TBC1D5: variants seen among roughly 807,000 people sequenced by gnomAD.
The protein encoded by TBC1D5 is TBC1 domain family member 5.
A neutral mutation model predicts 100.3 loss-of-function variants in TBC1D5; 75 were observed. That is an observed-to-expected ratio of 0.75 (90% CI 0.62 to 0.91). The LOEUF is 0.91. Ranked by LOEUF, TBC1D5 falls within the 40% of genes least tolerant of loss-of-function variation. The probability of loss-of-function intolerance (pLI) is 0.00; values close to 1 mark genes in which losing one functional copy is unlikely to be tolerated. For synonymous variants in TBC1D5, 323 were observed against 325.6 expected (o/e 0.99, Z 0.09); for missense variants, 910 against 942.4 (o/e 0.97, Z 0.45).
At position 17,238,234 on chromosome 3, in the gene TBC1D5, T is replaced by C. The variant is rs923387937; in HGVS notation, c.1517A>G (p.His506Arg). The change falls in exon 17 of 22, where the codon CAT becomes CGT. Residue 506 changes from histidine (H) to arginine (R), a missense_variant. His to Arg is a conservative substitution (Grantham distance 29). Transcript: ENST00000253692. ...CTGCTGCTGTTGCTGTTGCAAGTGATGGCTTGGGGCCTCTGCTGAGGTCCT... is the reference window on the plus strand; with the variant it reads ...CTGCTGCTGTTGCTGTTGCAAGTGACGGCTTGGGGCCTCTGCTGAGGTCCT... The C allele has an allele frequency of 2.5e-6, 4 of 1,613,908 alleles. No individual in the cohort carries two copies. Among genetic ancestry groups the C allele is most frequent in the Non-Finnish European group, 3.4e-6 (4 of 1,179,944 alleles).
At chr3:17,383,820 A>G in intron 9 of TBC1D5, 93 bp downstream of exon 9, 1 of 940,530 alleles carries the variant, frequency 1.1e-6, no homozygotes, top group Admixed American at 2.4e-5. Flanking sequence ...ACAACTTTGG[A>G]TACAATAAAG....
intron 2 of TBC1D5, among the ~76,000 whole-genome samples, chr3:17,596,410 C>G (rs1191626772): frequency 1.3e-5 from 2 of 150,680 alleles, no homozygotes; most frequent in Non-Finnish European, 3.0e-5. Flanking sequence ...CCTCTGCCTC[C>G]CGGGTTCAAG....
chr3:17,605,358 A>T (rs1033262475), intron 2 of TBC1D5, among the ~76,000 whole-genome samples: 1 of 152,208 alleles, frequency 6.6e-6, no homozygotes, highest in African/African-American at 2.4e-5. Context: ...AGAAAACCCT[A>T]CAATTTTTCA....
chr3:17,591,886 G>A (rs1202634892), intron 2 of TBC1D5, among the ~76,000 whole-genome samples: 2 of 152,198 alleles, frequency 1.3e-5, no homozygotes, highest in African/African-American at 4.8e-5. Flanking sequence ...AAGACACAGG[G>A]GTGGTGATTC....
chr3:17,223,547 C>A (rs1044014875), intron 17 of TBC1D5, among the ~76,000 whole-genome samples: 1 of 152,078 alleles, frequency 6.6e-6, no homozygotes, highest in Non-Finnish European at 1.5e-5. Flanking sequence ...GTAAGTTAAA[C>A]CCAGATTTGT....
intron 2 of TBC1D5, among the ~76,000 whole-genome samples, chr3:17,591,233 CAAAAAAAAAAAAAAAA>C (rs60889092): frequency 1.8e-3 from 34 of 18,664 alleles, no homozygotes; most frequent in African/African-American, 3.0e-3. Flanking sequence ...AAGGATCTGT[CAAAAAAAAAAAAAAAA>C]AAAAAAAAAA....
At chr3:17,535,903 T>C (rs2096277230) in intron 2 of TBC1D5, among the ~76,000 whole-genome samples, 1 of 152,114 alleles carries the variant, frequency 6.6e-6, no homozygotes, top group Non-Finnish European at 1.5e-5. Context: ...AAAAAAATCA[T>C]AAATTTTTAA....
chr3:17,365,852 G>A lies in TBC1D5; in HGVS notation c.995+6223C>T, dbSNP rs527525167. 1.4e-4 allele frequency among the ~76,000 whole-genome samples: 22 copies of A among 152,252 alleles called. 1 individual carries two copies. In the East Asian group the frequency reaches 4.2e-3, roughly 29 times the overall value. On this transcript the variant is annotated intron_variant, in intron 13 of 21. Transcript: ENST00000253692. Reference sequence around the variant, plus strand: ...TATAGTCCTAGTCAAATTAAACTGTGAATATTAGCTCAAGAGTTCAAAGCC... The same window carrying A: ...TATAGTCCTAGTCAAATTAAACTGTAAATATTAGCTCAAGAGTTCAAAGCC...
intron 2 of TBC1D5, among the ~76,000 whole-genome samples, chr3:17,528,357 T>C (rs964349384): frequency 2.6e-5 from 4 of 152,220 alleles, no homozygotes; most frequent in Admixed American, 2.0e-4. Context: ...CGCCCTTCCA[T>C]CCCTTTCACC....
chr3:17,454,491 G>A (rs1296537177), intron 3 of TBC1D5, among the ~76,000 whole-genome samples: 2 of 151,672 alleles, frequency 1.3e-5, no homozygotes, highest in Admixed American at 1.3e-4. Flanking sequence ...ATGGAGTCTC[G>A]CTCTGTCACC....
chr3:17,684,432 T>C (rs1193525902), intron 1 of TBC1D5, among the ~76,000 whole-genome samples: 1 of 152,112 alleles, frequency 6.6e-6, no homozygotes, highest in Non-Finnish European at 1.5e-5. Flanking sequence ...AAATGTACAA[T>C]GCAGTTTCTC....
chr3:17,471,181 T>C (rs923289050), intron 3 of TBC1D5, among the ~76,000 whole-genome samples: 5 of 152,122 alleles, frequency 3.3e-5, no homozygotes, highest in African/African-American at 1.2e-4. Context: ...GAAATTTAAG[T>C]ATCAGGAGAC....
At chr3:17,654,201 A>G (rs2065844148) in intron 1 of TBC1D5, among the ~76,000 whole-genome samples, 1 of 152,192 alleles carries the variant, frequency 6.6e-6, no homozygotes, top group Non-Finnish European at 1.5e-5. Context: ...ATTTACTATT[A>G]AAATGAGAAA....
chr3:17,731,505 A>G (rs1411133273), intron 1 of TBC1D5, among the ~76,000 whole-genome samples: 1 of 28,492 alleles, frequency 3.5e-5, no homozygotes, highest in Non-Finnish European at 7.5e-5. Context: ...ACTCTGTCTC[A>G]AAAAAAAAAA....
At chr3:17,657,305 C>A (rs2066172796) in intron 1 of TBC1D5, among the ~76,000 whole-genome samples, 1 of 151,418 alleles carries the variant, frequency 6.6e-6, no homozygotes, top group South Asian at 2.1e-4. Context: ...AATCCACTCT[C>A]CACCCTCAAT....
chr3:17,536,173 T>C (rs756671364), intron 2 of TBC1D5, among the ~76,000 whole-genome samples: 6 of 152,166 alleles, frequency 3.9e-5, no homozygotes, highest in African/African-American at 7.2e-5. Context: ...TGAAAGATAC[T>C]AGTCAAAGTT....
rs2093692127 is a variant in TBC1D5 at position 17,403,338 on chromosome 3, T to G, written c.442-90A>C. On this transcript the variant is annotated intron_variant, in intron 7 of 21. Coordinates refer to ENST00000253692, the Ensembl canonical transcript of TBC1D5. ...TTTAATAATGTAAATGGTTAAAATT[T>G]ATTCTTCTCTGAGATCATTTCACAT... 8 of 854,988 alleles carry G rather than the reference T, an allele frequency of 9.4e-6. No individual in the cohort carries two copies. The East Asian group carries it at 2.5e-4, about 26-fold the overall frequency. 53.0% of individuals were successfully genotyped at this position (854,988 alleles called of 1,614,324 possible).
chr3:17,509,805 A>G lies in TBC1D5; in HGVS notation c.-35-1200T>C, dbSNP rs146079433. ...CAGTATAATATCCACCTCTGGTGTTATACTTACAAGTTTTTATAAATAACT... is the reference window on the plus strand; with the variant it reads ...CAGTATAATATCCACCTCTGGTGTTGTACTTACAAGTTTTTATAAATAACT... On this transcript the variant is annotated intron_variant, in intron 2 of 21. Transcript: ENST00000253692. Among the ~76,000 whole-genome samples, 20 of 152,138 alleles carry G rather than the reference A, an allele frequency of 1.3e-4. No individual in the cohort carries two copies. In the East Asian group the frequency reaches 3.9e-3, roughly 29 times the overall value.
chr3:17,482,941 A>G (rs557700295), intron 3 of TBC1D5, among the ~76,000 whole-genome samples: 6 of 152,168 alleles, frequency 3.9e-5, no homozygotes, highest in Non-Finnish European at 7.4e-5. Flanking sequence ...TATGGTGTTC[A>G]TTAAAGTCTC....
Sources: allele counts gnomAD v4.1 joint callset (sites outside exome capture counted in the v4.1 genomes callset), GRCh38; gene constraint gnomAD v4.1.1; transcripts MANE v1.5; gene names NCBI Gene and HGNC (gene_info 2026-07-23, HGNC 2026-07-21).